ZFHX4: variants seen among roughly 807,000 people sequenced by gnomAD.
ZFHX4 encodes zinc finger homeobox protein 4.
A neutral mutation model predicts 267.6 loss-of-function variants in ZFHX4; 56 were observed. The observed-to-expected ratio is 0.21, with a 90% confidence interval of 0.17 to 0.26. ZFHX4 has a LOEUF of 0.26. Among genes scored for constraint, ZFHX4 ranks in the 10% least tolerant of loss-of-function variants. The pLI is 1.00. For missense variants in ZFHX4, 4,332 were observed against 4,420.0 expected (o/e 0.98, Z 0.56); for synonymous variants, 1,778 against 1,665.6 (o/e 1.07, Z -1.64).
At chr8:76,810,461 T>C (rs1811348893) in intron 4 of ZFHX4, among the ~76,000 whole-genome samples, 1 of 152,146 alleles carries the variant, frequency 6.6e-6, no homozygotes, top group East Asian at 1.9e-4. Context: ...AGATAACTGC[T>C]GGTAATAGAA....
rs532723917 is a variant in ZFHX4, at chr8:76,849,044, C to A, written c.3561C>A (p.Thr1187=). ...KELKVSVAGG[T]QPLLLAKEED... Reference sequence around the variant, plus strand: ...TAAAAGTTAGTGTGGCAGGGGGTACCCAGCCACTCCTGCTGGCAAAAGAAG... The same window carrying A: ...TAAAAGTTAGTGTGGCAGGGGGTACACAGCCACTCCTGCTGGCAAAAGAAG... The change falls in exon 7 of 11, where the codon ACC becomes ACA. Residue 1187 remains threonine (T), a synonymous_variant. Coordinates refer to ENST00000651372, the MANE Select transcript of ZFHX4 (RefSeq NM_024721.5). 1.3e-6 allele frequency: 2 copies of A among 1,563,944 alleles called. No individual in the cohort carries two copies. Among genetic ancestry groups the A allele is most frequent in the Admixed American group, 1.9e-5 (1 of 52,926 alleles).
intron 4 of ZFHX4, among the ~76,000 whole-genome samples, chr8:76,796,047 G>A (rs1485412665): frequency 6.6e-6 from 1 of 152,096 alleles, no homozygotes; most frequent in Non-Finnish European, 1.5e-5. Context: ...TAAATCAGGA[G>A]AGAAATATTA....
intron 4 of ZFHX4, 81 bp downstream of exon 4, chr8:76,778,520 C>A: frequency 1.7e-6 from 2 of 1,156,466 alleles, no homozygotes; most frequent in Non-Finnish European, 1.3e-6. Context: ...AACACACACA[C>A]ACACGCCTCA....
In ZFHX4 at chr8:76,854,420, T is replaced by G. The variant is rs1049949504; in HGVS notation, c.7499T>G (p.Val2500Gly). ...CAATACCAATGTGATCAGTGTACAGTTGCCTTCCCAACTCTGGAACTCTGG... is the reference window on the plus strand; with the variant it reads ...CAATACCAATGTGATCAGTGTACAGGTGCCTTCCCAACTCTGGAACTCTGG... ...LLQYQCDQCTVAFPTLELWQE... is the reference protein window; with the variant it reads ...LLQYQCDQCTGAFPTLELWQE... Residue 2500 changes from valine to glycine, a missense_variant, in exon 10 of 11, where the codon GTT (valine) becomes GGT (glycine). By Grantham distance (109) the Val-to-Gly change is moderately radical (BLOSUM62 -3). Coordinates refer to ENST00000651372, the MANE Select transcript of ZFHX4 (RefSeq NM_024721.5). 1.2e-6 allele frequency: 2 copies of G among 1,613,896 alleles called. No individual in the cohort carries two copies. Among genetic ancestry groups the G allele is most frequent in the Admixed American group, 1.7e-5 (1 of 60,006 alleles).
intron 3 of ZFHX4, among the ~76,000 whole-genome samples, chr8:76,765,885 T>C (rs548112713): frequency 6.6e-6 from 1 of 152,210 alleles, no homozygotes; most frequent in South Asian, 2.1e-4. Flanking sequence ...AAGACCATAC[T>C]GCCATTAATT....
At chr8:76,686,922 C>A (rs550283949) in intron 1 of ZFHX4, among the ~76,000 whole-genome samples, 4 of 152,144 alleles carry the variant, frequency 2.6e-5, no homozygotes, top group Non-Finnish European at 5.9e-5. Context: ...AAGGGCTGTA[C>A]CCACAGGGAG....
At chr8:76,808,921 T>G (rs1811308928) in intron 4 of ZFHX4, among the ~76,000 whole-genome samples, 1 of 151,820 alleles carries the variant, frequency 6.6e-6, no homozygotes, top group Non-Finnish European at 1.5e-5. Context: ...TCTCTCTCTC[T>G]CTCTCTCTCT....
chr8:76,744,665 G>A (rs764884491), intron 3 of ZFHX4, among the ~76,000 whole-genome samples: 23 of 151,948 alleles, frequency 1.5e-4, no homozygotes, highest in Non-Finnish European at 3.2e-4. Flanking sequence ...CGTCCATCTC[G>A]ACCTCCCAAA....
intron 1 of ZFHX4, among the ~76,000 whole-genome samples, chr8:76,687,879 G>A (rs1486988514): frequency 6.6e-6 from 1 of 152,098 alleles, no homozygotes; most frequent in Admixed American, 6.6e-5. Context: ...CTGTTGAATA[G>A]GGTCCTGAAT....
intron 3 of ZFHX4, among the ~76,000 whole-genome samples, chr8:76,715,106 G>A (rs75923753): frequency 6.6e-6 from 1 of 152,296 alleles, no homozygotes; most frequent in Non-Finnish European, 1.5e-5. Context: ...GCAGGATAGA[G>A]CTTTTCTACT....
chr8:76,813,625 T>C (rs925253164), intron 4 of ZFHX4, among the ~76,000 whole-genome samples: 14 of 152,202 alleles, frequency 9.2e-5, no homozygotes, highest in Non-Finnish European at 1.5e-4. Flanking sequence ...TTATGCCTTT[T>C]TGAAAGTATT....
At chr8:76,834,563 G>A (rs943009771) in intron 5 of ZFHX4, 2 of 153,118 alleles carry the variant, frequency 1.3e-5, no homozygotes, top group Admixed American at 6.5e-5. Context: ...TGTGGTGTCT[G>A]TTAAGGTCTT....
rs779366252 is a variant in ZFHX4 at position 76,855,909 on chromosome 8, G to A, written c.8988G>A (p.Met2996Ile). ...AAATTAACATAGGGAAGCCTTTCAT[G>A]ATCAATCAAGGCGGAACGGAAGGCA... ...KFKINIGKPFMINQGGTEGTK... is the reference protein window; with the variant it reads ...KFKINIGKPFIINQGGTEGTK... The change falls in exon 10 of 11, where the codon ATG (methionine) becomes ATA (isoleucine). Residue 2996 changes from methionine to isoleucine, a missense_variant. Around this residue, in one of 7 missense-constraint regions of ZFHX4, gnomAD observed 1,648 missense variants for 1,625.0 expected, o/e 1.01. Coordinates refer to ENST00000651372, the MANE Select transcript of ZFHX4 (RefSeq NM_024721.5). The A allele has an allele frequency of 6.2e-7, 1 of 1,613,864 alleles. No homozygotes were observed. The highest frequency in any genetic ancestry group is 8.5e-7 in the Non-Finnish European group (1 of 1,179,846).
rs192187684 is a variant in ZFHX4 at position 76,834,198 on chromosome 8, G to A, written c.3394+792G>A. On this transcript the variant is annotated intron_variant, in intron 5 of 10. Transcript: ENST00000651372. ...TACGAATAAAACTACTATGAGCATC[G>A]GTGTCCAGGCTTTTGTGTGGACATA... is the stretch of plus-strand genomic sequence containing the variant. 635 of 424,738 alleles carry A rather than the reference G, an allele frequency of 1.5e-3. 1 individual carries two copies. The highest frequency in any genetic ancestry group is 2.5e-3 in the Non-Finnish European group (529 of 213,368). The allele number at this position is 424,738 out of a possible 1,614,324, so 26.3% of individuals were successfully genotyped here.
intron 3 of ZFHX4, among the ~76,000 whole-genome samples, chr8:76,708,501 G>A (rs1394350455): frequency 4.6e-5 from 7 of 151,928 alleles, no homozygotes; most frequent in South Asian, 2.1e-4. Flanking sequence ...CATAATGTTT[G>A]TTTCTTTGTT....
intron 9 of ZFHX4, 45 bp from the exon 10 acceptor site, chr8:76,850,841 A>G: frequency 1.4e-6 from 2 of 1,450,814 alleles, no homozygotes; most frequent in Non-Finnish European, 9.2e-7. Context: ...TTTAAGGAGT[A>G]GGTTTTCTTA....
intron 4 of ZFHX4, among the ~76,000 whole-genome samples, chr8:76,797,086 C>T (rs1244060865): frequency 6.6e-6 from 1 of 152,264 alleles, no homozygotes; most frequent in East Asian, 1.9e-4. Flanking sequence ...AGGCAGGCAC[C>T]ATGAGATCAG....
chr8:76,706,361 C>T lies in ZFHX4; in HGVS notation c.2273C>T (p.Pro758Leu), dbSNP rs1442063884. The T allele has an allele frequency of 1.9e-6, 3 of 1,614,028 alleles. No individual in the cohort carries two copies. The highest frequency in any genetic ancestry group is 2.2e-5 in the East Asian group (1 of 44,858). Residue 758 changes from proline (P) to leucine (L), a missense_variant, in exon 2 of 11, where the codon CCG (proline) becomes CTG (leucine). Pro to Leu is a moderately conservative substitution (Grantham distance 98). Transcript: ENST00000651372. ...CTCAGTGGCTGCGGAACACCCTCTC[C>T]GTCCAAACCCAAACAGAAACCCACC... ...TSLSGCGTPS[P>L]SKPKQKPTWR...
intron 4 of ZFHX4, chr8:76,782,138 T>C (rs577902075): frequency 7.2e-6 from 3 of 414,004 alleles, no homozygotes; most frequent in South Asian, 3.6e-5. Context: ...TATTGTTTCT[T>C]CTAGCATCTT....
Sources: gnomAD v4.1 joint callset for allele counts (sites outside exome capture counted in the v4.1 genomes callset) on GRCh38, gnomAD v4.1.1 for gene constraint, gnomAD v4.1.1 regional missense constraint, MANE v1.5 for transcripts, NCBI Gene and HGNC (gene_info 2026-07-23, HGNC 2026-07-21) for gene names.